Variants in RASGRP3 observed in about 807,000 individuals in gnomAD.
RASGRP3 encodes RAS guanyl releasing protein 3, also known as ras guanyl-releasing protein 3.
Under a neutral mutation model 82.7 loss-of-function variants are expected in RASGRP3, and 54 were observed. The ratio of observed to expected loss-of-function variants is 0.65; its 90% CI spans 0.52 to 0.82. The LOEUF (loss-of-function observed/expected upper bound fraction) is 0.82, where lower values mean the gene tolerates loss of function less well. Among genes scored for constraint, RASGRP3 ranks in the 40% least tolerant of loss-of-function variants. The pLI is 0.00. For synonymous variants in RASGRP3, 309 were observed against 300.5 expected (o/e 1.03, Z -0.29); for missense variants, 861 against 828.9 (o/e 1.04, Z -0.48).
chr2:33,554,009 T>C (rs1675638098), intron 14 of RASGRP3, among the ~76,000 whole-genome samples: 1 of 152,216 alleles, frequency 6.6e-6, no homozygotes, highest in African/African-American at 2.4e-5. Flanking sequence ...AGTGCTGGGA[T>C]TACAGGCGTG....
chr2:33,536,285 G>C (rs1279653070), intron 11 of RASGRP3, among the ~76,000 whole-genome samples: 13 of 130,172 alleles, frequency 1.0e-4, no homozygotes, highest in African/African-American at 3.8e-4. Flanking sequence ...CTGGGCAACA[G>C]AGCAAGACTC....
intron 11 of RASGRP3, among the ~76,000 whole-genome samples, chr2:33,538,267 C>T (rs1673853457): frequency 6.6e-6 from 1 of 152,078 alleles, no homozygotes; most frequent in Admixed American, 6.6e-5. Flanking sequence ...CTTTGGGAGG[C>T]CAAGGCAGGT....
rs537732395 is a variant in RASGRP3, at chr2:33,496,683, C to T, written c.-260-15027C>T. On this transcript the variant is annotated intron_variant, in intron 1 of 17. Transcript: ENST00000403687. ...CCAGCCTGGGCAACATAGTGAAATC[C>T]TGTCTCTACCAAAAAATACAAAAAT... 2.0e-5 allele frequency among the ~76,000 whole-genome samples: 3 copies of T among 152,260 alleles called. No homozygotes were observed. The East Asian group carries it at 5.8e-4, about 29-fold the overall frequency.
intron 2 of RASGRP3, among the ~76,000 whole-genome samples, chr2:33,514,318 T>C (rs1166076076): frequency 6.6e-6 from 1 of 152,068 alleles, no homozygotes; most frequent in Admixed American, 6.6e-5. Flanking sequence ...TATTCTTTTA[T>C]TAATATTAAA....
chr2:33,549,569 T>G, intron 13 of RASGRP3, 35 bp from the exon 14 acceptor site: 1 of 1,588,258 alleles, frequency 6.3e-7, no homozygotes, highest in Non-Finnish European at 8.6e-7. Context: ...ACCTGTTATT[T>G]AAAGATTCCC....
intron 12 of RASGRP3, 37 bp downstream of exon 12, chr2:33,539,247 A>G: frequency 7.0e-7 from 1 of 1,436,384 alleles, no homozygotes; most frequent in South Asian, 1.2e-5. Context: ...AGGGCACTAG[A>G]AGACCCTTTC....
At chr2:33,548,786 A>C (rs1454656469) in intron 13 of RASGRP3, among the ~76,000 whole-genome samples, 1 of 150,300 alleles carries the variant, frequency 6.7e-6, no homozygotes, top group African/African-American at 2.5e-5. Flanking sequence ...GGCTCACTGC[A>C]ATCTCTGCCT....
chr2:33,525,723 A>AAC, intron 9 of RASGRP3, among the ~76,000 whole-genome samples: 1 of 150,152 alleles, frequency 6.7e-6, no homozygotes, highest in Admixed American at 6.6e-5. Flanking sequence ...AAAAAAAAAA[A>AAC]AAAACTAGCC....
At chr2:33,443,073 G>A (rs900840093) in intron 1 of RASGRP3, among the ~76,000 whole-genome samples, 42 of 152,110 alleles carry the variant, frequency 2.8e-4, no homozygotes, top group South Asian at 2.1e-4. Context: ...AATGCACAGC[G>A]ATATTGCTGT....
intron 1 of RASGRP3, among the ~76,000 whole-genome samples, chr2:33,492,229 T>G (rs567185290): frequency 6.6e-6 from 1 of 152,334 alleles, no homozygotes; most frequent in South Asian, 2.1e-4. Flanking sequence ...TCAGGAATTT[T>G]GATTTCCCTT....
intron 14 of RASGRP3, 108 bp downstream of exon 14, chr2:33,549,859 G>C (rs1675201256): frequency 1.6e-6 from 2 of 1,287,176 alleles, no homozygotes; most frequent in Non-Finnish European, 2.1e-6. Flanking sequence ...CTTTGAATCA[G>C]AAGTAAAATG....
exon 1 of RASGRP3, chr2:33,436,371 T>A (rs1664928261): frequency 6.6e-6 from 1 of 152,222 alleles, no homozygotes; most frequent in Admixed American, 6.5e-5. Context: ...CTTAGCAGCT[T>A]CAATGTTGTT....
intron 1 of RASGRP3, among the ~76,000 whole-genome samples, chr2:33,492,153 C>T (rs1200073995): frequency 1.3e-5 from 2 of 152,210 alleles, no homozygotes; most frequent in African/African-American, 4.8e-5. Flanking sequence ...TATTTTTCCT[C>T]TCCTTTTGCA....
chr2:33,552,094 G>A (rs1013715879), intron 14 of RASGRP3, among the ~76,000 whole-genome samples: 6 of 152,188 alleles, frequency 3.9e-5, no homozygotes, highest in Non-Finnish European at 2.9e-5. Flanking sequence ...CTTTTACAGA[G>A]GCCCTGATTC....
chr2:33,535,081 C>A lies in RASGRP3; in HGVS notation c.1161+681C>A, dbSNP rs564054098. Among the ~76,000 whole-genome samples the A allele has an allele frequency of 3.0e-3, 455 of 152,224 alleles. 1 individual carries two copies. The highest frequency in any genetic ancestry group is 4.6e-3 in the Non-Finnish European group (314 of 68,026). On this transcript the variant is annotated intron_variant, in intron 11 of 17. Coordinates refer to ENST00000403687, the MANE Select transcript of RASGRP3 (RefSeq NM_001139488.2). ...ACTGTTTCAGGCTTTAAAAAAGCTC[C>A]ATTCAACATAAAATTAGATTTAAAA...
chr2:33,545,999 G>A (rs936937885), intron 13 of RASGRP3, among the ~76,000 whole-genome samples: 12 of 151,388 alleles, frequency 7.9e-5, no homozygotes, highest in Admixed American at 1.3e-4. Flanking sequence ...CAGTAGAAAC[G>A]AGGTTTCATC....
rs1408413977 is a variant in RASGRP3, at chr2:33,562,811, T to TCTGA, written c.*77_*80dup. On this transcript the variant is annotated 3_prime_UTR_variant, in exon 18 of 18. Transcript: ENST00000403687. ...CAAGACGAGAAACTCTGAAGAAAGCTCTGACTCTCAGGAAGTTATCTGGAA... is the reference window on the plus strand; with the variant it reads ...CAAGACGAGAAACTCTGAAGAAAGCTCTGACTGACTCTCAGGAAGTTATCTGGAA... 70 of 1,553,498 alleles carry TCTGA rather than the reference T, an allele frequency of 4.5e-5. No individual in the cohort carries two copies. The highest frequency in any genetic ancestry group is 6.0e-5 in the Non-Finnish European group (68 of 1,126,694).
chr2:33,558,862 C>T lies in RASGRP3; in HGVS notation c.1896C>T (p.Thr632=). ...GCTGGGGGGACTCGGGGTCCCACACCTTCCCTAAAATGAAATCCAAGTTCC... is the reference window on the plus strand; with the variant it reads ...GCTGGGGGGACTCGGGGTCCCACACTTTCCCTAAAATGAAATCCAAGTTCC... ...EAGWGDSGSH[T]FPKMKSKFHD... The change falls in exon 17 of 18, where the codon ACC becomes ACT. Residue 632 remains threonine (T), a synonymous_variant. Transcript: ENST00000403687. 1 of 1,614,042 alleles carries T rather than the reference C, an allele frequency of 6.2e-7. No individual in the cohort carries two copies.
chr2:33,529,852 A>C (rs1272001025), intron 10 of RASGRP3, among the ~76,000 whole-genome samples: 1 of 145,240 alleles, frequency 6.9e-6, no homozygotes, highest in African/African-American at 2.5e-5. Context: ...CCTTAAGAAT[A>C]AGGAACCAAG....
Sources: allele counts gnomAD v4.1 joint callset (sites outside exome capture counted in the v4.1 genomes callset), GRCh38; gene constraint gnomAD v4.1.1; transcripts MANE v1.5; gene names NCBI Gene and HGNC (gene_info 2026-07-23, HGNC 2026-07-21).